NAALADL2: variants seen among roughly 807,000 people sequenced by gnomAD.
NAALADL2 encodes inactive N-acetylated-alpha-linked acidic dipeptidase-like protein 2.
A neutral mutation model predicts 87.2 loss-of-function variants in NAALADL2; 76 were observed. The observed-to-expected ratio is 0.87, with a 90% confidence interval of 0.72 to 1.05. The LOEUF (loss-of-function observed/expected upper bound fraction) is 1.05, where lower values mean the gene tolerates loss of function less well. NAALADL2 is among the 50% of genes least tolerant of loss of function. The probability of loss-of-function intolerance (pLI) is 0.00; values close to 1 mark genes in which losing one functional copy is unlikely to be tolerated. For synonymous variants in NAALADL2, 354 were observed against 331.0 expected, an observed-to-expected ratio of 1.07 and a Z score of -0.75; for missense variants, 1,089 against 945.8, an observed-to-expected ratio of 1.15 and a Z score of -1.99.
intron 1 of NAALADL2, among the ~76,000 whole-genome samples, chr3:174,471,106 G>C (rs1243063686): frequency 1.3e-5 from 2 of 152,084 alleles, no homozygotes; most frequent in East Asian, 3.9e-4. Flanking sequence ...CCTATCTGCA[G>C]TGTCTATTAA....
intron 1 of NAALADL2, among the ~76,000 whole-genome samples, chr3:174,904,726 C>G (rs1414186011): frequency 6.6e-6 from 1 of 151,786 alleles, no homozygotes; most frequent in Non-Finnish European, 1.5e-5. Flanking sequence ...ACAGCTGGAG[C>G]TACCATTAAT....
intron 4 of NAALADL2, among the ~76,000 whole-genome samples, chr3:175,274,182 C>T (rs1489466152): frequency 3.3e-5 from 5 of 152,242 alleles, no homozygotes; most frequent in South Asian, 2.1e-4. Context: ...GTCTTTGTGG[C>T]AGCAGGCAAG....
At chr3:175,666,714 TA>T (rs1280716462) in intron 11 of NAALADL2, among the ~76,000 whole-genome samples, 2 of 152,138 alleles carry the variant, frequency 1.3e-5, no homozygotes, top group African/African-American at 4.8e-5. Context: ...TACATTAGGA[TA>T]ATATGAATAT....
At chr3:174,661,363 T>G (rs1725485497) in intron 2 of NAALADL2, among the ~76,000 whole-genome samples, 1 of 152,152 alleles carries the variant, frequency 6.6e-6, no homozygotes, top group African/African-American at 2.4e-5. Context: ...AATATGCAAT[T>G]TATTAATTAT....
chr3:175,216,586 C>A (rs1370158680), intron 2 of NAALADL2, among the ~76,000 whole-genome samples: 1 of 151,606 alleles, frequency 6.6e-6, no homozygotes, highest in Non-Finnish European at 1.5e-5. Context: ...AGGTACAGAA[C>A]TCTTGCCCTG....
intron 3 of NAALADL2, among the ~76,000 whole-genome samples, chr3:174,826,765 AT>A (rs1408664347): frequency 6.6e-6 from 1 of 152,186 alleles, no homozygotes; most frequent in Non-Finnish European, 1.5e-5. Flanking sequence ...AAAATAAATC[AT>A]TTTGTTTTGC....
chr3:175,209,280 G>T (rs186769865), intron 2 of NAALADL2, among the ~76,000 whole-genome samples: 1 of 151,780 alleles, frequency 6.6e-6, no homozygotes, highest in African/African-American at 2.4e-5. Flanking sequence ...GATAAAAGCA[G>T]AAAAAAAAGC....
intron 1 of NAALADL2, among the ~76,000 whole-genome samples, chr3:175,064,646 C>T (rs1039427536): frequency 2.1e-4 from 32 of 152,158 alleles, no homozygotes; most frequent in African/African-American, 7.2e-4. Context: ...CTCCTCCTGA[C>T]CAGTGATCTC....
At chr3:175,135,237 C>G (rs1327420215) in intron 2 of NAALADL2, among the ~76,000 whole-genome samples, 1 of 152,074 alleles carries the variant, frequency 6.6e-6, no homozygotes, top group Admixed American at 6.6e-5. Flanking sequence ...GTGAAGAATT[C>G]TAATAGAGCA....
Position 174,940,090 on chromosome 3 carries a change from A to G in NAALADL2, c.43+80640A>G, listed in dbSNP as rs114022824. On this transcript the variant is annotated intron_variant, in intron 1 of 13. Coordinates refer to ENST00000454872, the MANE Select transcript of NAALADL2 (RefSeq NM_207015.3). ...GACATCCTGTCTTGTACCAGTTTTC[A>G]AGAGGAATGGGGAATACTTCCAGCT... 7.5e-3 allele frequency among the ~76,000 whole-genome samples: 1,134 copies of G among 152,206 alleles called. 5 individuals carry two copies. The highest frequency in any genetic ancestry group is 0.031 in the South Asian group (151 of 4,826).
intron 4 of NAALADL2, among the ~76,000 whole-genome samples, chr3:175,314,999 T>C (rs564152914): frequency 6.6e-6 from 1 of 152,120 alleles, no homozygotes; most frequent in East Asian, 1.9e-4. Context: ...TGCAGTTACC[T>C]ACCAAGTCCT....
At chr3:175,355,555 GAGTCT>G (rs1764272225) in intron 5 of NAALADL2, among the ~76,000 whole-genome samples, 1 of 152,118 alleles carries the variant, frequency 6.6e-6, no homozygotes. Flanking sequence ...CAAAATTCTT[GAGTCT>G]CAGCTTGGAC....
At chr3:174,753,994 A>G (rs1704242805) in intron 3 of NAALADL2, among the ~76,000 whole-genome samples, 1 of 152,152 alleles carries the variant, frequency 6.6e-6, no homozygotes, top group Admixed American at 6.5e-5. Flanking sequence ...CAGGAACCCA[A>G]TTATGCTGAC....
intron 11 of NAALADL2, among the ~76,000 whole-genome samples, chr3:175,646,843 A>G (rs1052484501): frequency 1.3e-5 from 2 of 152,086 alleles, no homozygotes; most frequent in Non-Finnish European, 2.9e-5. Flanking sequence ...TAGCTCTGGT[A>G]TATCTTTATC....
At chr3:174,595,293 C>A (rs1717776035) in intron 2 of NAALADL2, among the ~76,000 whole-genome samples, 1 of 152,064 alleles carries the variant, frequency 6.6e-6, no homozygotes, top group African/African-American at 2.4e-5. Context: ...CTATTTCTCT[C>A]CCTTTCTCTC....
intron 9 of NAALADL2, among the ~76,000 whole-genome samples, chr3:175,532,044 A>T (rs113020417): frequency 6.6e-6 from 1 of 152,180 alleles, no homozygotes; most frequent in Non-Finnish European, 1.5e-5. Context: ...TCACCCTACC[A>T]GTCAGGGAGC....
chr3:174,867,254 T>G (rs1191294766), intron 1 of NAALADL2, among the ~76,000 whole-genome samples: 1 of 151,948 alleles, frequency 6.6e-6, no homozygotes, highest in African/African-American at 2.4e-5. Context: ...TCTCCTTTCT[T>G]CCAACAAACA....
intron 10 of NAALADL2, among the ~76,000 whole-genome samples, chr3:175,617,938 C>G (rs962064002): frequency 1.3e-5 from 2 of 152,090 alleles, no homozygotes; most frequent in African/African-American, 2.4e-5. Context: ...TTCCATTCTC[C>G]CATTTCATCA....
intron 2 of NAALADL2, among the ~76,000 whole-genome samples, chr3:174,574,882 T>C (rs989197302): frequency 1.3e-5 from 2 of 152,128 alleles, no homozygotes; most frequent in African/African-American, 4.8e-5. Context: ...TCTGATACAA[T>C]TTATAAAAGC....
Sources: allele counts gnomAD v4.1 joint callset (sites outside exome capture counted in the v4.1 genomes callset), GRCh38; gene constraint gnomAD v4.1.1; transcripts MANE v1.5; gene names NCBI Gene and HGNC (gene_info 2026-07-23, HGNC 2026-07-21).